NEDD4L: variants seen among roughly 807,000 people sequenced by gnomAD.
NEDD4L encodes the protein E3 ubiquitin-protein ligase NEDD4-like.
Under a neutral mutation model 148.9 loss-of-function variants are expected in NEDD4L, and 54 were observed. The ratio of observed to expected loss-of-function variants is 0.36; its 90% CI spans 0.29 to 0.45. NEDD4L has a LOEUF of 0.45. NEDD4L is among the 20% of genes least tolerant of loss of function. The pLI, the probability that NEDD4L is intolerant of heterozygous loss-of-function variation, is 1.00. For missense variants in NEDD4L, 856 were observed against 1,233.8 expected, an observed-to-expected ratio of 0.69 and a Z score of 4.59; for synonymous variants, 433 against 440.7, an observed-to-expected ratio of 0.98 and a Z score of 0.22.
intron 1 of NEDD4L, among the ~76,000 whole-genome samples, chr18:58,114,364 A>G (rs1304194760): frequency 6.6e-6 from 1 of 151,338 alleles, no homozygotes; most frequent in Non-Finnish European, 1.5e-5. Flanking sequence ...ATATATATAC[A>G]CACACACACA....
intron 5 of NEDD4L, among the ~76,000 whole-genome samples, chr18:58,314,131 A>G (rs1361725023): frequency 6.6e-6 from 1 of 152,176 alleles, no homozygotes; most frequent in Non-Finnish European, 1.5e-5. Context: ...TTATAGCAAA[A>G]TCAGGCCAGG....
chr18:58,212,832 A>T (rs1249009036), intron 2 of NEDD4L, among the ~76,000 whole-genome samples: 2 of 152,224 alleles, frequency 1.3e-5, no homozygotes, highest in African/African-American at 2.4e-5. Context: ...ATAGATCAAG[A>T]AGGGATATTT....
In NEDD4L at chr18:58,256,063, C is replaced by T. The variant is rs1015009106; in HGVS notation, c.297+4009C>T. 1.9e-5 allele frequency: 23 copies of T among 1,229,030 alleles called. No homozygotes were observed. Among genetic ancestry groups the T allele is most frequent in the Non-Finnish European group, 2.2e-5 (22 of 986,216 alleles). 76.1% of individuals were successfully genotyped at this position (1,229,030 alleles called of 1,614,324 possible). The stretch of plus-strand genomic sequence containing the variant: ...CCACGAGGGCCTCGCCCCAGAGTGG[C>T]TCCCGGGAGCCCTCGCCGAGGGACA... On this transcript the variant is annotated intron_variant, in intron 5 of 30. Coordinates refer to ENST00000400345, the MANE Select transcript of NEDD4L (RefSeq NM_001144967.3). This position sits in a 1 kb window ranked among gnomAD's most constrained non-coding sequence, Gnocchi z 5.2.
intron 2 of NEDD4L, among the ~76,000 whole-genome samples, chr18:58,230,924 T>C (rs2045097673): frequency 6.6e-6 from 1 of 152,016 alleles, no homozygotes; most frequent in South Asian, 2.1e-4. Flanking sequence ...TGCAGCCGGT[T>C]TAGGCGAATT....
chr18:58,150,307 C>T (rs1392386568), intron 1 of NEDD4L, among the ~76,000 whole-genome samples: 4 of 152,162 alleles, frequency 2.6e-5, no homozygotes, highest in African/African-American at 9.7e-5. Context: ...TAATCTCGGC[C>T]CACTGCAACC....
intron 5 of NEDD4L, among the ~76,000 whole-genome samples, chr18:58,260,912 C>T (rs1335909833): frequency 6.6e-6 from 1 of 152,122 alleles, no homozygotes; most frequent in African/African-American, 2.4e-5. Context: ...GCCTATTCCT[C>T]ATCAGTAAAT....
At chr18:58,073,898 G>T (rs1407738695) in intron 1 of NEDD4L, among the ~76,000 whole-genome samples, 1 of 152,200 alleles carries the variant, frequency 6.6e-6, no homozygotes, top group African/African-American at 2.4e-5. Context: ...ACAGTTAAGA[G>T]CGCATCCAGA....
intron 1 of NEDD4L, among the ~76,000 whole-genome samples, chr18:58,142,467 G>A (rs1040558106): frequency 1.1e-4 from 17 of 152,192 alleles, no homozygotes; most frequent in Admixed American, 9.2e-4. Context: ...CTATGGGGGT[G>A]TTGGGGGAAC....
At position 58,366,251 on chromosome 18, in the gene NEDD4L, T is replaced by C; in HGVS notation, c.2063+23T>C. 1.4e-6 allele frequency: 2 copies of C among 1,468,940 alleles called. No homozygotes were observed. Among genetic ancestry groups the C allele is most frequent in the Non-Finnish European group, 1.9e-6 (2 of 1,072,820 alleles). The allele number at this position is 1,468,940 out of a possible 1,614,324, so 91.0% of individuals were successfully genotyped here. A position where few individuals can be genotyped will look rare whatever the true frequency, so the allele number is the denominator to read the frequency against. On this transcript the variant is annotated intron_variant, in intron 21 of 30. Coordinates refer to ENST00000400345, the MANE Select transcript of NEDD4L (RefSeq NM_001144967.3). The surrounding 1 kb of genome is among the most constrained non-coding windows in gnomAD (Gnocchi z 4.2). Reference sequence around the variant, plus strand: ...CACGTAAGTATATGGCCACACCCAGTGTGTGTCCCCCACTGAGACAGTTGT... The same window carrying C: ...CACGTAAGTATATGGCCACACCCAGCGTGTGTCCCCCACTGAGACAGTTGT...
rs1310681267 is a variant in NEDD4L at position 58,367,870 on chromosome 18, A to G, written c.2185+3A>G. ...ATTTCATGGGAAGCTCTTAGATGGT[A>G]AGTCTTGAAGTAATAAAAATAGGTC... is the stretch of plus-strand genomic sequence containing the variant. On this transcript the variant is annotated splice_donor_region_variant and intron_variant, in intron 22 of 30. Transcript: ENST00000400345. The G allele has an allele frequency of 6.2e-7, 1 of 1,613,886 alleles. No homozygotes were observed. Among genetic ancestry groups the G allele is most frequent in the Non-Finnish European group, 8.5e-7 (1 of 1,179,890 alleles).
At position 58,329,026 on chromosome 18, in the gene NEDD4L, A is replaced by G; in HGVS notation, c.712A>G (p.Arg238Gly). The change falls in exon 10 of 31, where the codon AGA becomes GGA. Residue 238 changes from arginine (R) to glycine (G), a missense_variant. Physicochemically the swap from Arg to Gly is moderately radical, Grantham distance 125 (BLOSUM62 -2). This residue lies in a region of NEDD4L where 367 missense variants were observed against 422.7 expected (regional missense o/e 0.87). Transcript: ENST00000400345. The stretch of plus-strand genomic sequence containing the variant: ...GTCCTCGGAGTCGGACAATAACATC[A>G]GACAGATCAACCAGGAGGCAGCACA... ...DVSSESDNNI[R>G]QINQEAAHRR... 1 of 1,613,994 alleles carries G rather than the reference A, an allele frequency of 6.2e-7. No homozygotes were observed. The highest frequency in any genetic ancestry group is 8.5e-7 in the Non-Finnish European group (1 of 1,179,874).
chr18:58,380,072 ATTAT>A (rs34280771), intron 24 of NEDD4L, among the ~76,000 whole-genome samples: 43,994 of 151,572 alleles, frequency 0.29, 6,706 homozygotes, highest in African/African-American at 0.37. Context: ...TCTTTCAAAA[ATTAT>A]TTATTTATCT....
intron 2 of NEDD4L, among the ~76,000 whole-genome samples, chr18:58,236,963 C>T (rs369895464): frequency 7.2e-5 from 11 of 152,122 alleles, no homozygotes; most frequent in African/African-American, 9.6e-5. Context: ...GCAGAGGCTG[C>T]GGTGAGCCAA....
chr18:58,101,772 T>C (rs149796414), intron 1 of NEDD4L, among the ~76,000 whole-genome samples: 1 of 152,348 alleles, frequency 6.6e-6, no homozygotes, highest in East Asian at 1.9e-4. Context: ...CTTTGTCAGT[T>C]ACTTCATAGC....
intron 1 of NEDD4L, among the ~76,000 whole-genome samples, chr18:58,072,080 GA>G (rs1479749946): frequency 1.3e-5 from 2 of 152,120 alleles, no homozygotes; most frequent in African/African-American, 4.8e-5. Flanking sequence ...ACTGACTAAA[GA>G]ATTTGAAAAT....
chr18:58,159,106 A>G (rs2035872929), intron 1 of NEDD4L, among the ~76,000 whole-genome samples: 1 of 152,100 alleles, frequency 6.6e-6, no homozygotes, highest in Non-Finnish European at 1.5e-5. Flanking sequence ...AGAGAGGGAA[A>G]GGTGTAGCGG....
At chr18:58,092,936 C>T (rs566970390) in intron 1 of NEDD4L, among the ~76,000 whole-genome samples, 1 of 150,976 alleles carries the variant, frequency 6.6e-6, no homozygotes, top group Non-Finnish European at 1.5e-5. Context: ...TCTCGGCTCA[C>T]TGCAAGCTCC....
At chr18:58,297,549 C>A (rs2055826508) in intron 5 of NEDD4L, among the ~76,000 whole-genome samples, 1 of 152,088 alleles carries the variant, frequency 6.6e-6, no homozygotes, top group Non-Finnish European at 1.5e-5. Context: ...GATAGTGGTA[C>A]CCAGCAGTGA....
At chr18:58,291,220 A>G (rs1448886863) in intron 5 of NEDD4L, among the ~76,000 whole-genome samples, 5 of 151,998 alleles carry the variant, frequency 3.3e-5, no homozygotes, top group African/African-American at 1.2e-4. Context: ...AGGCCGACCG[A>G]CCCACATGGT....
Sources: gnomAD v4.1 joint callset for allele counts (sites outside exome capture counted in the v4.1 genomes callset) on GRCh38, gnomAD v4.1.1 for gene constraint, gnomAD v4.1.1 regional missense constraint, Gnocchi (gnomAD v3.1) non-coding constraint, MANE v1.5 for transcripts, NCBI Gene and HGNC (gene_info 2026-07-23, HGNC 2026-07-21) for gene names.